Variants in SLC47A1 observed in about 807,000 individuals in gnomAD.
SLC47A1 encodes solute carrier family 47 member 1.
A neutral mutation model predicts 65.8 loss-of-function variants in SLC47A1; 58 were observed. The ratio of observed to expected loss-of-function variants is 0.88; its 90% CI spans 0.71 to 1.10. The LOEUF is 1.10. SLC47A1 is among the 50% of genes least tolerant of loss of function. The pLI is 0.00. For synonymous variants in SLC47A1, 285 were observed against 295.0 expected (o/e 0.97, Z 0.35); for missense variants, 706 against 719.2 (o/e 0.98, Z 0.21).
intron 10 of SLC47A1, chr17:19,557,443 C>T (rs987333866): frequency 7.6e-5 from 26 of 342,278 alleles, no homozygotes; most frequent in Non-Finnish European, 1.0e-4. Flanking sequence ...AATCAATTTC[C>T]TATGGTTGAA....
At chr17:19,547,704 G>A (rs1160596783) in intron 3 of SLC47A1, among the ~76,000 whole-genome samples, 1 of 146,498 alleles carries the variant, frequency 6.8e-6, no homozygotes, top group Non-Finnish European at 1.5e-5. Flanking sequence ...AAGTGTCTAG[G>A]GCCATGGGCT....
intron 5 of SLC47A1, among the ~76,000 whole-genome samples, chr17:19,550,592 T>C (rs1916420379): frequency 6.6e-6 from 1 of 152,188 alleles, no homozygotes; most frequent in Non-Finnish European, 1.5e-5. Context: ...TTGGGTTGCA[T>C]GTGTGAGCCA....
At chr17:19,574,383 C>T (rs2084423217) in intron 16 of SLC47A1, among the ~76,000 whole-genome samples, 1 of 152,144 alleles carries the variant, frequency 6.6e-6, no homozygotes, top group Admixed American at 6.5e-5. Context: ...CCTGCATCCT[C>T]TCATCTCTCT....
intron 15 of SLC47A1, 149 bp from the exon 16 acceptor site, chr17:19,572,631 C>G (rs1271435899): frequency 2.3e-5 from 16 of 704,478 alleles, no homozygotes; most frequent in Non-Finnish European, 4.0e-5. Context: ...CCATTTCAAT[C>G]TTTATGAAAG....
At position 19,555,925 on chromosome 17, in the gene SLC47A1, G is replaced by A. The variant is rs78173618; in HGVS notation, c.853+16G>A. 980 of 1,614,062 alleles carry A rather than the reference G, an allele frequency of 6.1e-4. 7 individuals are homozygous for A. In the African/African-American group the frequency reaches 0.011, roughly 19 times the overall value. ...TTCCTCAGTGGTCTGTATGAGGATG[G>A]ATGACGGGGACTGGTGGGAACCTGG... On this transcript the variant is annotated intron_variant, in intron 9 of 16. Transcript: ENST00000270570.
At chr17:19,541,894 A>G (rs1412022527) in intron 1 of SLC47A1, among the ~76,000 whole-genome samples, 5 of 152,236 alleles carry the variant, frequency 3.3e-5, no homozygotes, top group African/African-American at 1.2e-4. Context: ...TGGGAGGCCG[A>G]GGCAGGCAGA....
intron 1 of SLC47A1, among the ~76,000 whole-genome samples, chr17:19,537,999 A>G (rs1039707547): frequency 6.6e-6 from 1 of 152,162 alleles, no homozygotes; most frequent in African/African-American, 2.4e-5. Context: ...TCATCATGCA[A>G]ATGTCTTGAG....
chr17:19,544,223 C>T (rs1036151550), intron 2 of SLC47A1, among the ~76,000 whole-genome samples: 3 of 152,302 alleles, frequency 2.0e-5, no homozygotes, highest in South Asian at 2.1e-4. Flanking sequence ...GGATTACAGG[C>T]GTGAGCCACT....
intron 12 of SLC47A1, among the ~76,000 whole-genome samples, chr17:19,563,141 T>C (rs1051077783): frequency 1.0e-4 from 15 of 143,982 alleles, no homozygotes; most frequent in African/African-American, 3.3e-4. Flanking sequence ...TTTTTTTTTT[T>C]TTTTTTTTTT....
Position 19,547,978 on chromosome 17 carries a change from A to C in SLC47A1, c.307-7A>C, listed in dbSNP as rs544689437. 63 of 1,608,554 alleles carry C rather than the reference A, an allele frequency of 3.9e-5. No homozygotes were observed. In the African/African-American group the frequency reaches 8.3e-4, roughly 21 times the overall value. ...TAATGGGCTCATTTTGGCTGTGTGC[A>C]CCCCAGACGTACGGGAGCCAGAACC... On this transcript the variant is annotated splice_region_variant and splice_polypyrimidine_tract_variant and intron_variant, in intron 3 of 16. Coordinates refer to ENST00000270570, the MANE Select transcript of SLC47A1 (RefSeq NM_018242.3).
At chr17:19,543,495 G>T (rs1192340927) in intron 2 of SLC47A1, among the ~76,000 whole-genome samples, 3 of 152,128 alleles carry the variant, frequency 2.0e-5, no homozygotes, top group Non-Finnish European at 4.4e-5. Context: ...GGGGAGTTCA[G>T]TCTGACTTCC....
intron 12 of SLC47A1, among the ~76,000 whole-genome samples, chr17:19,565,327 C>T (rs1215923997): frequency 6.6e-6 from 1 of 152,152 alleles, no homozygotes; most frequent in Non-Finnish European, 1.5e-5. Flanking sequence ...TACTAGGAGA[C>T]ACAGTCAGAC....
chr17:19,561,054 C>A (rs918722387), intron 12 of SLC47A1, among the ~76,000 whole-genome samples: 2 of 151,678 alleles, frequency 1.3e-5, no homozygotes, highest in East Asian at 3.9e-4. Context: ...GTCAGGAGTT[C>A]GAGACCAGCC....
intron 14 of SLC47A1, among the ~76,000 whole-genome samples, chr17:19,568,828 A>C (rs981244742): frequency 1.3e-5 from 2 of 152,018 alleles, no homozygotes; most frequent in African/African-American, 4.8e-5. Flanking sequence ...AGTCCCTGCT[A>C]ACCATCATTC....
chr17:19,567,224 G>T lies in SLC47A1; in HGVS notation c.1305G>T (p.Val435=). The change falls in exon 14 of 17, where the codon GTG becomes GTT. Residue 435 remains valine (V), a synonymous_variant. Transcript: ENST00000270570. ...IALMFATTLG[V]MGLWSGIIIC... ...TGATGTTTGCAACCACACTTGGAGT[G>T]ATGGGTAAGCTCTAACCTCTGCAGG... The T allele has an allele frequency of 6.2e-7, 1 of 1,614,190 alleles. No individual in the cohort carries two copies. The highest frequency in any genetic ancestry group is 8.5e-7 in the Non-Finnish European group (1 of 1,180,028).
intron 6 of SLC47A1, among the ~76,000 whole-genome samples, chr17:19,552,700 A>G (rs1217421994): frequency 6.6e-6 from 1 of 152,160 alleles, no homozygotes; most frequent in East Asian, 1.9e-4. Flanking sequence ...TTGGTTACAG[A>G]GGACACGTGG....
chr17:19,543,136 G>A (rs1280667561), intron 2 of SLC47A1, among the ~76,000 whole-genome samples: 5 of 143,112 alleles, frequency 3.5e-5, no homozygotes, highest in Admixed American at 1.4e-4. Context: ...TTCAGACGGA[G>A]TCTTGCTCCG....
At chr17:19,564,869 C>T (rs1009740478) in intron 12 of SLC47A1, among the ~76,000 whole-genome samples, 2 of 152,084 alleles carry the variant, frequency 1.3e-5, no homozygotes, top group Non-Finnish European at 2.9e-5. Flanking sequence ...TACAGGCATG[C>T]ACCACCACAC....
chr17:19,550,273 C>T (rs1426950354), intron 5 of SLC47A1, among the ~76,000 whole-genome samples: 1 of 152,032 alleles, frequency 6.6e-6, no homozygotes, highest in Non-Finnish European at 1.5e-5. Flanking sequence ...AGGCACATGC[C>T]ACCACACTTG....
Sources: gnomAD v4.1 joint callset for allele counts (sites outside exome capture counted in the v4.1 genomes callset) on GRCh38, gnomAD v4.1.1 for gene constraint, MANE v1.5 for transcripts, NCBI Gene and HGNC (gene_info 2026-07-23, HGNC 2026-07-21) for gene names.